Variants in ACOXL observed in about 807,000 individuals in gnomAD.
The protein encoded by ACOXL is acyl-CoA oxidase like.
Under a neutral mutation model 71.9 loss-of-function variants are expected in ACOXL, and 70 were observed. The ratio of observed to expected loss-of-function variants is 0.97; its 90% CI spans 0.80 to 1.19. The LOEUF is 1.19. Among genes scored for constraint, ACOXL ranks in the 50% most tolerant of loss-of-function variants. The probability of loss-of-function intolerance (pLI) is 0.00; values close to 1 mark genes in which losing one functional copy is unlikely to be tolerated. For missense variants in ACOXL, 703 were observed against 736.3 expected, an observed-to-expected ratio of 0.95 and a Z score of 0.52; for synonymous variants, 253 against 281.6, an observed-to-expected ratio of 0.90 and a Z score of 1.02.
chr2:111,076,550 T>C (rs753038328), intron 16 of ACOXL, among the ~76,000 whole-genome samples: 1 of 152,206 alleles, frequency 6.6e-6, no homozygotes, highest in Non-Finnish European at 1.5e-5. Context: ...GTCTCTTGAT[T>C]GGTATGTTTA....
intron 16 of ACOXL, among the ~76,000 whole-genome samples, chr2:111,054,677 A>G (rs746704274): frequency 3.0e-4 from 45 of 152,210 alleles, no homozygotes; most frequent in Admixed American, 1.2e-3. Flanking sequence ...CCCTGCCACC[A>G]TGGTCTGGCC....
chr2:110,817,943 T>C (rs1199301993), intron 9 of ACOXL, among the ~76,000 whole-genome samples: 1 of 150,372 alleles, frequency 6.7e-6, no homozygotes, highest in African/African-American at 2.4e-5. Flanking sequence ...TTTCAATCCA[T>C]GCTCCTGACT....
rs2070495763 is a variant in ACOXL at position 111,118,459 on chromosome 2, G to A, written c.*643G>A. On this transcript the variant is annotated 3_prime_UTR_variant, in exon 18 of 18. Coordinates refer to ENST00000439055, the MANE Select transcript of ACOXL (RefSeq NM_001142807.4). ...CGGTTTCCGTACGGCAAGACAAGGC[G>A]CGGAAAACATTTTTACCATCTGACG... 6.6e-6 allele frequency among the ~76,000 whole-genome samples: 1 copy of A among 152,188 alleles called. No homozygotes were observed. Among genetic ancestry groups the A allele is most frequent in the South Asian group, 2.1e-4 (1 of 4,832 alleles).
chr2:111,088,385 A>G (rs187235006), intron 16 of ACOXL, among the ~76,000 whole-genome samples: 13 of 152,350 alleles, frequency 8.5e-5, no homozygotes, highest in Non-Finnish European at 1.5e-5. Flanking sequence ...AAAGACATGC[A>G]ATCAACCTAA....
At chr2:111,023,865 G>T (rs17041773) in intron 14 of ACOXL, among the ~76,000 whole-genome samples, 36 of 152,188 alleles carry the variant, frequency 2.4e-4, no homozygotes, top group Non-Finnish European at 3.7e-4. Flanking sequence ...GACACTCCTA[G>T]GCTGCGATGG....
chr2:110,771,413 A>G (rs73956440), intron 2 of ACOXL, among the ~76,000 whole-genome samples: 4,166 of 151,964 alleles, frequency 0.027, 190 homozygotes, highest in African/African-American at 0.093. Context: ...CCCCCCTTTC[A>G]TGTTGCTCTC....
At chr2:110,749,264 G>C (rs1351109557) in intron 1 of ACOXL, among the ~76,000 whole-genome samples, 1 of 152,146 alleles carries the variant, frequency 6.6e-6, no homozygotes, top group Non-Finnish European at 1.5e-5. Flanking sequence ...AGGTCATTTT[G>C]TTGTTTGTGT....
chr2:111,088,391 C>T (rs972284916), intron 16 of ACOXL, among the ~76,000 whole-genome samples: 1 of 152,136 alleles, frequency 6.6e-6, no homozygotes, highest in Non-Finnish European at 1.5e-5. Context: ...ATGCAATCAA[C>T]CTAAATGCCC....
intron 15 of ACOXL, among the ~76,000 whole-genome samples, chr2:111,039,177 C>T (rs567533308): frequency 7.9e-5 from 12 of 152,272 alleles, no homozygotes; most frequent in African/African-American, 2.9e-4. Flanking sequence ...TTCTTCAATG[C>T]ATCTGTTTAT....
chr2:110,850,229 A>G (rs978305701), intron 10 of ACOXL, among the ~76,000 whole-genome samples: 3 of 152,234 alleles, frequency 2.0e-5, no homozygotes, highest in Admixed American at 1.3e-4. Context: ...CACAGAAAGT[A>G]TGAACTGTCA....
chr2:111,025,375 G>C (rs2064972480), intron 14 of ACOXL, among the ~76,000 whole-genome samples: 1 of 152,098 alleles, frequency 6.6e-6, no homozygotes, highest in South Asian at 2.1e-4. Context: ...TTCTTCTATA[G>C]GTATAGGTTT....
At chr2:110,787,838 C>T (rs1192360475) in intron 3 of ACOXL, among the ~76,000 whole-genome samples, 1 of 152,186 alleles carries the variant, frequency 6.6e-6, no homozygotes, top group South Asian at 2.1e-4. Context: ...GCAGGGATGC[C>T]CCTCTCAAGC....
chr2:110,886,698 G>A, intron 10 of ACOXL: 6 of 1,524,862 alleles, frequency 3.9e-6, no homozygotes, highest in Non-Finnish European at 5.3e-6. Flanking sequence ...CCTTCTGAAT[G>A]CCAAGTTTCA....
At chr2:110,860,815 C>T (rs974418585) in intron 10 of ACOXL, among the ~76,000 whole-genome samples, 4 of 152,140 alleles carry the variant, frequency 2.6e-5, no homozygotes, top group East Asian at 1.9e-4. Flanking sequence ...AAGTGGCAGC[C>T]GGGCTTATCT....
intron 10 of ACOXL, among the ~76,000 whole-genome samples, chr2:110,876,127 G>A (rs561210768): frequency 8.5e-5 from 13 of 152,196 alleles, no homozygotes; most frequent in African/African-American, 2.7e-4. Context: ...AGGCTTGGAC[G>A]CATCCTCTGT....
chr2:111,007,410 A>G (rs986115343), intron 14 of ACOXL, among the ~76,000 whole-genome samples: 5 of 152,174 alleles, frequency 3.3e-5, no homozygotes, highest in Non-Finnish European at 5.9e-5. Context: ...CTCTTCTCCA[A>G]TTATTTATTT....
In ACOXL at chr2:110,941,396, C is replaced by T. The variant is rs2060863444; in HGVS notation, c.1059+7754C>T. ...AAACAGTTTGCAAGACACCGGACGT[C>T]ACTGGACAGCTGCTGACATTCCCCT... On this transcript the variant is annotated intron_variant, in intron 12 of 17. Transcript: ENST00000439055. Among the ~76,000 whole-genome samples the T allele has an allele frequency of 2.0e-5, 3 of 152,242 alleles. No homozygotes were observed. In the South Asian group the frequency reaches 6.2e-4, roughly 32 times the overall value.
chr2:110,742,369 A>C (rs1212895789), intron 1 of ACOXL, among the ~76,000 whole-genome samples: 2 of 152,206 alleles, frequency 1.3e-5, no homozygotes, highest in Non-Finnish European at 2.9e-5. Context: ...ATAATTGTAC[A>C]CTAGAAAAAA....
chr2:111,019,018 T>A (rs2064611221), intron 14 of ACOXL, among the ~76,000 whole-genome samples: 1 of 152,218 alleles, frequency 6.6e-6, no homozygotes, highest in Admixed American at 6.5e-5. Context: ...AACAAAGATC[T>A]TGAGGCCTAA....
Sources: gnomAD v4.1 joint callset for allele counts (sites outside exome capture counted in the v4.1 genomes callset) on GRCh38, gnomAD v4.1.1 for gene constraint, MANE v1.5 for transcripts, NCBI Gene and HGNC (gene_info 2026-07-23, HGNC 2026-07-21) for gene names.